The following PCDHGA4 variants were observed in gnomAD, a reference collection of about 807,000 sequenced individuals.
The protein encoded by PCDHGA4 is protocadherin gamma-A4.
Under a neutral mutation model 54.6 loss-of-function variants are expected in PCDHGA4, and 38 were observed. The ratio of observed to expected loss-of-function variants is 0.70; its 90% confidence interval spans 0.54 to 0.91. The LOEUF is 0.91. Among genes scored for constraint, PCDHGA4 ranks in the 40% least tolerant of loss-of-function variants. The pLI is 0.00. For synonymous variants in PCDHGA4, 511 were observed against 512.9 expected, an observed-to-expected ratio of 1.00 and a Z score of 0.05; for missense variants, 1,298 against 1,220.9, an observed-to-expected ratio of 1.06 and a Z score of -0.94.
chr5:141,392,968 T>C (rs748824740), intron 1 of PCDHGA4: 1 of 1,613,910 alleles, frequency 6.2e-7, no homozygotes, highest in Non-Finnish European at 8.5e-7. Context: ...TCCAAGGACC[T>C]GGGGCTGGAC....
At chr5:141,383,385 G>T (rs1779091849) in intron 1 of PCDHGA4, 4 of 1,613,960 alleles carry the variant, frequency 2.5e-6, no homozygotes, top group Non-Finnish European at 3.4e-6. Context: ...ATCCAGATGT[G>T]GGCACGAACT....
intron 1 of PCDHGA4, among the ~76,000 whole-genome samples, chr5:141,455,393 C>G (rs574741955): frequency 6.4e-4 from 97 of 152,150 alleles, no homozygotes; most frequent in African/African-American, 2.2e-3. Flanking sequence ...GAAGGAGCTC[C>G]CCCTTACAGA....
At position 141,374,916 on chromosome 5, in the gene PCDHGA4, CTT is replaced by C. The variant is rs779055803; in HGVS notation, c.2514+17296_2514+17297del. ...GATGAAGGAGTCCACGGGGAAGTAA[CTT>C]ATTCCTTTGTGAAGATTACAGAAAA... On this transcript the variant is annotated intron_variant, in intron 1 of 3. Transcript: ENST00000571252. The C allele has an allele frequency of 1.2e-5, 20 of 1,613,924 alleles. No individual in the cohort carries two copies. The African/African-American group carries it at 2.4e-4, about 19-fold the overall frequency.
intron 2 of PCDHGA4, among the ~76,000 whole-genome samples, chr5:141,499,800 C>A (rs2099794584): frequency 6.6e-6 from 1 of 150,704 alleles, no homozygotes; most frequent in Admixed American, 6.7e-5. Context: ...AATTCTCATG[C>A]TTCAGCCTCC....
chr5:141,404,298 C>A, intron 1 of PCDHGA4: 3 of 1,613,868 alleles, frequency 1.9e-6, no homozygotes, highest in Non-Finnish European at 2.5e-6. Flanking sequence ...AATGATAATC[C>A]ACCTGCTTTC....
At chr5:141,405,369 T>C in intron 1 of PCDHGA4, 3 of 1,606,526 alleles carry the variant, frequency 1.9e-6, no homozygotes, top group Non-Finnish European at 2.5e-6. Context: ...GACACCCCTT[T>C]GGTTCCGGTG....
chr5:141,408,185 C>G, intron 1 of PCDHGA4: 1 of 1,540,440 alleles, frequency 6.5e-7, no homozygotes, highest in Non-Finnish European at 8.8e-7. Context: ...GGGGACCCAG[C>G]GAGAACCCGA....
rs2099068970 is a variant in PCDHGA4 at position 141,463,759 on chromosome 5, T to C, written c.2515-31048T>C. 2.0e-5 allele frequency among the ~76,000 whole-genome samples: 3 copies of C among 152,234 alleles called. No homozygotes were observed. The South Asian group carries it at 6.2e-4, about 32-fold the overall frequency. ...CCGCGCCCGGCCTGCTTCTCTTCTCTTATGGGTTAGAATCCTGCACTGTCT... is the reference window on the plus strand; with the variant it reads ...CCGCGCCCGGCCTGCTTCTCTTCTCCTATGGGTTAGAATCCTGCACTGTCT... On this transcript the variant is annotated intron_variant, in intron 1 of 3. Transcript: ENST00000571252.
chr5:141,425,401 T>C (rs1280463432), intron 1 of PCDHGA4, among the ~76,000 whole-genome samples: 1 of 152,234 alleles, frequency 6.6e-6, no homozygotes, highest in Non-Finnish European at 1.5e-5. Context: ...AAAGTTCTGT[T>C]AAGGTATAAC....
intron 1 of PCDHGA4, chr5:141,424,584 C>T (rs919265310): frequency 3.9e-5 from 6 of 152,082 alleles, no homozygotes; most frequent in African/African-American, 1.4e-4. Flanking sequence ...TTCAAATGTG[C>T]TAAAGATGTC....
intron 1 of PCDHGA4, among the ~76,000 whole-genome samples, chr5:141,396,957 T>C (rs1169025850): frequency 6.6e-6 from 1 of 152,214 alleles, no homozygotes; most frequent in East Asian, 1.9e-4. Flanking sequence ...AGAAAATCCT[T>C]ACTCTCCCTA....
At chr5:141,400,064 G>A in intron 1 of PCDHGA4, 1 of 1,613,770 alleles carries the variant, frequency 6.2e-7, no homozygotes, top group Non-Finnish European at 8.5e-7. Context: ...CGTGATGGTG[G>A]ACAGCCGCCA....
intron 1 of PCDHGA4, among the ~76,000 whole-genome samples, chr5:141,430,253 T>G (rs2097270288): frequency 9.8e-6 from 1 of 102,050 alleles, no homozygotes; most frequent in Admixed American, 1.0e-4. Context: ...TAGGGAGACA[T>G]CTCCATAATA....
Position 141,477,383 on chromosome 5 carries a change from T to A in PCDHGA4, c.2515-17424T>A. 6.2e-7 allele frequency: 1 copy of A among 1,614,102 alleles called. No homozygotes were observed. Among genetic ancestry groups the A allele is most frequent in the Non-Finnish European group, 8.5e-7 (1 of 1,180,006 alleles). On this transcript the variant is annotated intron_variant, in intron 1 of 3. Transcript: ENST00000571252. This position sits in a 1 kb window ranked among gnomAD's most constrained non-coding sequence, Gnocchi z 4.9. Reference sequence around the variant, plus strand: ...CCTGGATCGGGAGACTGTGCCAGAATACAACCTCAGCATCACCGCCCGAGA... The same window carrying A: ...CCTGGATCGGGAGACTGTGCCAGAAAACAACCTCAGCATCACCGCCCGAGA...
At chr5:141,408,248 G>A in intron 1 of PCDHGA4, 1 of 1,593,412 alleles carries the variant, frequency 6.3e-7, no homozygotes, top group East Asian at 2.3e-5. Context: ...CCCGCGGCAG[G>A]TGCTATTTCC....
At chr5:141,501,355 A>G (rs936121172) in intron 2 of PCDHGA4, among the ~76,000 whole-genome samples, 4 of 151,760 alleles carry the variant, frequency 2.6e-5, no homozygotes, top group African/African-American at 9.7e-5. Flanking sequence ...ATAGGGCAAG[A>G]ACCATATTCA....
chr5:141,495,424 A>G (rs927637242), intron 2 of PCDHGA4, among the ~76,000 whole-genome samples: 2 of 152,088 alleles, frequency 1.3e-5, no homozygotes, highest in Non-Finnish European at 2.9e-5. Flanking sequence ...CCCTCCTCCC[A>G]CTGTCCTCTG....
At chr5:141,422,900 A>G (rs2096684887) in intron 1 of PCDHGA4, 2 of 1,614,220 alleles carry the variant, frequency 1.2e-6, no homozygotes, top group South Asian at 2.2e-5. Flanking sequence ...GACCAGAACG[A>G]CAATGCGCCC....
chr5:141,472,065 G>C lies in PCDHGA4; in HGVS notation c.2515-22742G>C, dbSNP rs115025688. Among the ~76,000 whole-genome samples the C allele has an allele frequency of 1.7e-3, 265 of 152,218 alleles. 1 individual carries two copies. Among genetic ancestry groups the C allele is most frequent in the Middle Eastern group, 3.4e-3 (1 of 294 alleles). On this transcript the variant is annotated intron_variant, in intron 1 of 3. Coordinates refer to ENST00000571252, the MANE Select transcript of PCDHGA4 (RefSeq NM_018917.4). ...GATTTTAAAAATGATTGACATGTCT[G>C]TGGTTATATCAATGAGTACTATTAT...
Sources: allele counts gnomAD v4.1 joint callset (sites outside exome capture counted in the v4.1 genomes callset), GRCh38; gene constraint gnomAD v4.1.1; non-coding constraint Gnocchi (gnomAD v3.1); transcripts MANE v1.5; gene names NCBI Gene and HGNC (gene_info 2026-07-23, HGNC 2026-07-21).